TBC1D9: variants seen among roughly 807,000 people sequenced by gnomAD.
TBC1D9 encodes the protein TBC1 domain family member 9.
In TBC1D9, 63 loss-of-function variants were observed where a neutral mutation model predicts 132.0. That is an observed-to-expected ratio of 0.48 (90% CI 0.39 to 0.59). The LOEUF (loss-of-function observed/expected upper bound fraction) is 0.59. TBC1D9 is among the 20% of genes least tolerant of loss of function. The pLI is 0.00. For missense variants in TBC1D9, 1,261 were observed against 1,592.7 expected, an observed-to-expected ratio of 0.79 and a Z score of 3.54; for synonymous variants, 610 against 609.9, an observed-to-expected ratio of 1.00 and a Z score of 0.00.
chr4:140,722,542 G>A (rs1177325938), intron 1 of TBC1D9, among the ~76,000 whole-genome samples: 1 of 152,154 alleles, frequency 6.6e-6, no homozygotes, highest in Non-Finnish European at 1.5e-5. Context: ...GCTGGGTCCT[G>A]GTAATGCCAT....
intron 2 of TBC1D9, among the ~76,000 whole-genome samples, chr4:140,698,303 C>T (rs978572455): frequency 1.4e-4 from 22 of 152,150 alleles, no homozygotes; most frequent in African/African-American, 5.3e-4. Context: ...TCCTTTATCA[C>T]CTTCCTCTCA....
At chr4:140,720,406 A>C (rs1171264641) in intron 1 of TBC1D9, among the ~76,000 whole-genome samples, 1 of 152,222 alleles carries the variant, frequency 6.6e-6, no homozygotes, top group Non-Finnish European at 1.5e-5. Context: ...CTTATGAGGA[A>C]GAGGAGATTT....
At position 140,659,673 on chromosome 4, in the gene TBC1D9, A is replaced by T; in HGVS notation, c.1836T>A (p.Leu612=). ...AGAAAGCTTCCTCCTCTTTGGCATA[A>T]AGCAGCAGCACTGAAGTGACAATAT... ...AMNIVTSVLL[L]YAKEEEAFWL... Residue 612 remains leucine, a synonymous_variant, in exon 11 of 21, where the codon CTT becomes CTA. Coordinates refer to ENST00000442267, the MANE Select transcript of TBC1D9 (RefSeq NM_015130.3). 1 of 1,607,554 alleles carries T rather than the reference A, an allele frequency of 6.2e-7. No individual in the cohort carries two copies. The highest frequency in any genetic ancestry group is 8.5e-7 in the Non-Finnish European group (1 of 1,176,998).
intron 2 of TBC1D9, among the ~76,000 whole-genome samples, chr4:140,697,727 C>A (rs1352329749): frequency 1.3e-5 from 2 of 152,208 alleles, no homozygotes; most frequent in Non-Finnish European, 2.9e-5. Flanking sequence ...CATAGCAATA[C>A]CATGGCAAAG....
At chr4:140,683,942 C>T (rs1187150693) in intron 3 of TBC1D9, among the ~76,000 whole-genome samples, 1 of 152,190 alleles carries the variant, frequency 6.6e-6, no homozygotes, top group East Asian at 1.9e-4. Flanking sequence ...TACCTGCCAT[C>T]CACTAGTCTA....
chr4:140,735,996 T>C (rs915979576), intron 1 of TBC1D9, among the ~76,000 whole-genome samples: 2 of 152,198 alleles, frequency 1.3e-5, no homozygotes, highest in African/African-American at 4.8e-5. Flanking sequence ...AGTGCTTTTC[T>C]GGGCAAACAC....
At chr4:140,678,511 TTCTC>T (rs1737658798) in intron 5 of TBC1D9, among the ~76,000 whole-genome samples, 1 of 152,208 alleles carries the variant, frequency 6.6e-6, no homozygotes, top group South Asian at 2.1e-4. Flanking sequence ...ACAAAGTTAC[TTCTC>T]TCTGTGTTTT....
In TBC1D9 at chr4:140,622,757, C is replaced by T. The variant is rs1305872366; in HGVS notation, c.3239G>A (p.Ser1080Asn). The change falls in exon 21 of 21, where the codon AGC (serine) becomes AAC (asparagine). Residue 1080 changes from serine to asparagine, a missense_variant. Physicochemically the swap from Ser to Asn is conservative, Grantham distance 46. Coordinates refer to ENST00000442267, the MANE Select transcript of TBC1D9 (RefSeq NM_015130.3). ...GTGGCAGGACGGCCCACTGCCTCCG[C>T]TCCCGCCCTCCTTTGCAGGCTGGGC... The part of the protein sequence containing the change: ...FVAQPAKEGG[S>N]GGSGPSCHQG... 1 of 1,605,650 alleles carries T rather than the reference C, an allele frequency of 6.2e-7. No individual in the cohort carries two copies.
chr4:140,653,407 C>T (rs1288548909), intron 13 of TBC1D9, among the ~76,000 whole-genome samples: 1 of 152,154 alleles, frequency 6.6e-6, no homozygotes, highest in Non-Finnish European at 1.5e-5. Context: ...GTGATTAGCC[C>T]CATTCTGCAT....
rs183236896 is a variant in TBC1D9 at position 140,710,290 on chromosome 4, G to A, written c.131-8676C>T. 5.3e-5 allele frequency among the ~76,000 whole-genome samples: 8 copies of A among 152,226 alleles called. No individual in the cohort carries two copies. The East Asian group carries it at 5.8e-4, about 11-fold the overall frequency. On this transcript the variant is annotated intron_variant, in intron 1 of 20. Coordinates refer to ENST00000442267, the MANE Select transcript of TBC1D9 (RefSeq NM_015130.3). ...TGAACTAGTGTGTTAGGTGATCCCCGAGAGACCCCTGCCTCATTTCTTACA... is the reference window on the plus strand; with the variant it reads ...TGAACTAGTGTGTTAGGTGATCCCCAAGAGACCCCTGCCTCATTTCTTACA...
chr4:140,724,828 TAAAAG>T (rs760712587), intron 1 of TBC1D9, among the ~76,000 whole-genome samples: 16 of 152,030 alleles, frequency 1.1e-4, no homozygotes, highest in Non-Finnish European at 2.1e-4. Context: ...CAACAACACT[TAAAAG>T]AAAATGCAAA....
intron 1 of TBC1D9, among the ~76,000 whole-genome samples, chr4:140,737,950 C>T (rs973647035): frequency 6.6e-6 from 1 of 152,176 alleles, no homozygotes; most frequent in Non-Finnish European, 1.5e-5. Flanking sequence ...TCAAGGACCT[C>T]CTGAAATTGC....
intron 5 of TBC1D9, among the ~76,000 whole-genome samples, chr4:140,677,304 C>A (rs1038563907): frequency 6.6e-6 from 1 of 152,126 alleles, no homozygotes; most frequent in Non-Finnish European, 1.5e-5. Context: ...ATATTTCAGT[C>A]CCTTGCATAG....
chr4:140,691,482 A>G (rs534351230), intron 2 of TBC1D9, among the ~76,000 whole-genome samples: 1 of 152,340 alleles, frequency 6.6e-6, no homozygotes, highest in East Asian at 1.9e-4. Context: ...CAGCAGCTTG[A>G]ACAAACTGTG....
At chr4:140,632,508 C>T (rs923022194) in intron 16 of TBC1D9, among the ~76,000 whole-genome samples, 7 of 152,160 alleles carry the variant, frequency 4.6e-5, no homozygotes, top group Admixed American at 1.3e-4. Context: ...GATAAGCTTT[C>T]AGGACAGATA....
chr4:140,711,289 A>C (rs1264463030), intron 1 of TBC1D9, among the ~76,000 whole-genome samples: 1 of 152,170 alleles, frequency 6.6e-6, no homozygotes, highest in Non-Finnish European at 1.5e-5. Flanking sequence ...TGAAAACCTA[A>C]AACTCAAAGG....
chr4:140,674,451 A>G (rs1315576897), intron 6 of TBC1D9, among the ~76,000 whole-genome samples: 2 of 152,182 alleles, frequency 1.3e-5, no homozygotes, highest in Non-Finnish European at 2.9e-5. Flanking sequence ...GATGCAACGG[A>G]AAGGTCCAAC....
chr4:140,756,190 G>C lies in TBC1D9; in HGVS notation c.-145C>G. 2.0e-6 allele frequency: 1 copy of C among 512,452 alleles called. No individual in the cohort carries two copies. The highest frequency in any genetic ancestry group is 3.8e-5 in the East Asian group (1 of 26,194). 31.7% of individuals were successfully genotyped at this position (512,452 alleles called of 1,614,324 possible). ...GCGGCGGCGGCGGCAGGCGACTTCA[G>C]GGGGTGGCCCGCGGCGTCCGGGCCA... On this transcript the variant is annotated 5_prime_UTR_variant, in exon 1 of 21. Coordinates refer to ENST00000442267, the MANE Select transcript of TBC1D9 (RefSeq NM_015130.3). This position sits in a 1 kb window ranked among gnomAD's most constrained non-coding sequence, Gnocchi z 5.6.
chr4:140,652,639 G>A (rs534741057), intron 13 of TBC1D9, among the ~76,000 whole-genome samples: 165 of 152,278 alleles, frequency 1.1e-3, no homozygotes, highest in Non-Finnish European at 2.0e-3. Flanking sequence ...GTGCAGCTTG[G>A]AACAACTAGC....
Sources: gnomAD v4.1 joint callset for allele counts (sites outside exome capture counted in the v4.1 genomes callset) on GRCh38, gnomAD v4.1.1 for gene constraint, Gnocchi (gnomAD v3.1) non-coding constraint, MANE v1.5 for transcripts, NCBI Gene and HGNC (gene_info 2026-07-23, HGNC 2026-07-21) for gene names.